Variants in MARCHF5 observed in about 807,000 individuals in gnomAD.
MARCHF5 encodes the protein E3 ubiquitin-protein ligase MARCHF5.
A neutral mutation model predicts 36.5 loss-of-function variants in MARCHF5; 5 were observed. That is an observed-to-expected ratio of 0.14 (90% CI 0.07 to 0.29). The LOEUF (loss-of-function observed/expected upper bound fraction) is 0.29. MARCHF5 is among the 10% of genes least tolerant of loss of function. The probability of loss-of-function intolerance (pLI) is 1.00; values close to 1 mark genes in which losing one functional copy is unlikely to be tolerated. For missense variants in MARCHF5, 179 were observed against 336.3 expected (o/e 0.53, Z 3.66); for synonymous variants, 103 against 109.9 (o/e 0.94, Z 0.39).
At chr10:92,338,470 G>A (rs544137966) in intron 2 of MARCHF5, among the ~76,000 whole-genome samples, 1 of 152,156 alleles carries the variant, frequency 6.6e-6, no homozygotes, top group African/African-American at 2.4e-5. Context: ...ATTTATTAGA[G>A]GATATAGAGT....
Position 92,351,431 on chromosome 10 carries a change from C to T in MARCHF5, c.*224C>T, listed in dbSNP as rs1023394509. 14 of 356,430 alleles carry T rather than the reference C, an allele frequency of 3.9e-5. No homozygotes were observed. The highest frequency in any genetic ancestry group is 2.8e-4 in the African/African-American group (13 of 47,108). 22.1% of individuals were successfully genotyped at this position (356,430 alleles called of 1,614,324 possible). The stretch of plus-strand genomic sequence containing the variant: ...TTGTATGTACTACTTTTATGGCAGT[C>T]ATATGAACCATTATCTTAGCATGGT... On this transcript the variant is annotated 3_prime_UTR_variant, in exon 6 of 6. Coordinates refer to ENST00000358935, the MANE Select transcript of MARCHF5 (RefSeq NM_017824.5).
At chr10:92,319,297 C>CTTTTTTTTTTTTT (rs35540447) in intron 2 of MARCHF5, among the ~76,000 whole-genome samples, 13 of 142,380 alleles carry the variant, frequency 9.1e-5, no homozygotes, top group South Asian at 2.2e-4. Context: ...ATCTACTTTA[C>CTTTTTTTTTTTTT]TTTTTTTTTT....
At chr10:92,348,349 C>T in intron 3 of MARCHF5, among the ~76,000 whole-genome samples, 1 of 151,828 alleles carries the variant, frequency 6.6e-6, no homozygotes, top group East Asian at 1.9e-4. Flanking sequence ...ATTAGCTGGG[C>T]ATGGTGGCAT....
chr10:92,293,243 C>T (rs1324615480), intron 1 of MARCHF5, among the ~76,000 whole-genome samples: 3 of 151,908 alleles, frequency 2.0e-5, no homozygotes, highest in Admixed American at 6.6e-5. Flanking sequence ...GTAGCTGGGA[C>T]CACAACACAT....
intron 2 of MARCHF5, among the ~76,000 whole-genome samples, chr10:92,327,409 C>T (rs575914222): frequency 6.6e-5 from 10 of 150,716 alleles, no homozygotes; most frequent in African/African-American, 1.7e-4. Flanking sequence ...ATCAGTCTTC[C>T]TCCATTGATG....
At chr10:92,295,436 CTCGCTCAG>C (rs894362730) in intron 1 of MARCHF5, among the ~76,000 whole-genome samples, 5 of 138,898 alleles carry the variant, frequency 3.6e-5, no homozygotes, top group African/African-American at 1.3e-4. Flanking sequence ...GAGACAGAGT[CTCGCTCAG>C]TCGCCCAGGC....
intron 3 of MARCHF5, among the ~76,000 whole-genome samples, chr10:92,344,998 TC>T (rs1843624148): frequency 6.6e-6 from 1 of 152,172 alleles, no homozygotes; most frequent in South Asian, 2.1e-4. Flanking sequence ...AGGACTCCTG[TC>T]CCTTGGCTCC....
chr10:92,298,280 TC>T (rs1256082169), intron 1 of MARCHF5, among the ~76,000 whole-genome samples: 1 of 152,218 alleles, frequency 6.6e-6, no homozygotes, highest in Non-Finnish European at 1.5e-5. Context: ...ACCTTTTTCT[TC>T]CTTCAATTTC....
intron 3 of MARCHF5, among the ~76,000 whole-genome samples, chr10:92,345,697 C>CTTTTTTTTTTTTTTTTTTTT (rs34971275): frequency 8.1e-6 from 1 of 123,632 alleles, no homozygotes; most frequent in African/African-American, 3.0e-5. Context: ...TTTTTTTTTT[C>CTTTTTTTTTTTTTTTTTTTT]TTTTTTTTTT....
At chr10:92,304,699 T>G (rs1321340452) in intron 1 of MARCHF5, among the ~76,000 whole-genome samples, 1 of 152,194 alleles carries the variant, frequency 6.6e-6, no homozygotes, top group Non-Finnish European at 1.5e-5. Flanking sequence ...ATTACTGTGG[T>G]TTGCTTGCAC....
chr10:92,326,711 C>T (rs1410297930), intron 2 of MARCHF5, among the ~76,000 whole-genome samples: 1 of 151,658 alleles, frequency 6.6e-6, no homozygotes, highest in Non-Finnish European at 1.5e-5. Context: ...TTGATATTTG[C>T]TTTGCTAGAA....
At chr10:92,340,077 A>C (rs1843559713) in intron 2 of MARCHF5, among the ~76,000 whole-genome samples, 1 of 152,190 alleles carries the variant, frequency 6.6e-6, no homozygotes, top group East Asian at 1.9e-4. Flanking sequence ...CAGTGAGTGA[A>C]GTCAGAGAAA....
At chr10:92,335,808 G>A (rs1002838165) in intron 2 of MARCHF5, among the ~76,000 whole-genome samples, 4 of 152,180 alleles carry the variant, frequency 2.6e-5, no homozygotes, top group African/African-American at 9.7e-5. Context: ...TCTGTAGGCT[G>A]TCACTGTTCA....
At chr10:92,301,826 A>T (rs572108905) in intron 1 of MARCHF5, among the ~76,000 whole-genome samples, 15 of 152,348 alleles carry the variant, frequency 9.8e-5, no homozygotes, top group Middle Eastern at 3.4e-3. Flanking sequence ...TGGGAGCCTG[A>T]GGCAGGCGGA....
intron 2 of MARCHF5, among the ~76,000 whole-genome samples, chr10:92,334,306 G>T (rs1303743369): frequency 6.6e-6 from 1 of 152,204 alleles, no homozygotes; most frequent in Non-Finnish European, 1.5e-5. Context: ...TGTCTTGCTT[G>T]TTGAATCTCT....
At position 92,349,501 on chromosome 10, in the gene MARCHF5, T is replaced by C. The variant is rs1843693764; in HGVS notation, c.522T>C (p.Asn174=). ...YVLRLWRKYS[N]KLQILNSIFP... is the part of the protein sequence containing the mutation. The stretch of plus-strand genomic sequence containing the variant: ...TTAGACTGTGGCGCAAATACTCGAA[T>C]AAACTACAAATTTTAAATAGTATAT... Residue 174 remains asparagine, a synonymous_variant, in exon 4 of 6, where the codon AAT becomes AAC. Coordinates refer to ENST00000358935, the MANE Select transcript of MARCHF5 (RefSeq NM_017824.5). 1 of 1,613,718 alleles carries C rather than the reference T, an allele frequency of 6.2e-7. No individual in the cohort carries two copies. The highest frequency in any genetic ancestry group is 1.7e-5 in the Admixed American group (1 of 59,910).
rs1305885918 is a variant in MARCHF5 at position 92,349,495 on chromosome 10, C to T, written c.516C>T (p.Tyr172=). 1 of 1,613,646 alleles carries T rather than the reference C, an allele frequency of 6.2e-7. No homozygotes were observed. The change falls in exon 4 of 6, where the codon TAC becomes TAT. Residue 172 remains tyrosine, a synonymous_variant. Coordinates refer to ENST00000358935, the MANE Select transcript of MARCHF5 (RefSeq NM_017824.5). ...EDYVLRLWRK[Y]SNKLQILNSI... is the part of the protein sequence containing the mutation. Reference sequence around the variant, plus strand: ...ATGTGCTTAGACTGTGGCGCAAATACTCGAATAAACTACAAATTTTAAATA... The same window carrying T: ...ATGTGCTTAGACTGTGGCGCAAATATTCGAATAAACTACAAATTTTAAATA...
intron 3 of MARCHF5, among the ~76,000 whole-genome samples, chr10:92,345,938 C>T (rs1434077263): frequency 6.6e-6 from 1 of 152,144 alleles, no homozygotes; most frequent in African/African-American, 2.4e-5. Context: ...TACCCACCTA[C>T]CTCAGCCTCC....
chr10:92,334,817 C>G (rs889355992), intron 2 of MARCHF5, among the ~76,000 whole-genome samples: 7 of 152,164 alleles, frequency 4.6e-5, no homozygotes, highest in Non-Finnish European at 1.0e-4. Flanking sequence ...TTTTTTATGT[C>G]ATTCATGTCT....
Sources: allele counts gnomAD v4.1 joint callset (sites outside exome capture counted in the v4.1 genomes callset), GRCh38; gene constraint gnomAD v4.1.1; transcripts MANE v1.5; gene names NCBI Gene and HGNC (gene_info 2026-07-23, HGNC 2026-07-21).